Variants in SLC35F1 observed in about 807,000 individuals in gnomAD.
SLC35F1 encodes the protein chromosome 6 open reading frame 169.
Under a neutral mutation model 48.7 loss-of-function variants are expected in SLC35F1, and 14 were observed. That is an observed-to-expected ratio of 0.29 (90% CI 0.19 to 0.45). The LOEUF is 0.45. Among genes scored for constraint, SLC35F1 ranks in the 20% least tolerant of loss-of-function variants. SLC35F1 has a pLI of 1.00. For missense variants in SLC35F1, 404 were observed against 500.0 expected, an observed-to-expected ratio of 0.81 and a Z score of 1.83; for synonymous variants, 190 against 202.2, an observed-to-expected ratio of 0.94 and a Z score of 0.51.
chr6:118,042,087 A>T (rs1364943481), intron 1 of SLC35F1, among the ~76,000 whole-genome samples: 1 of 152,182 alleles, frequency 6.6e-6, no homozygotes, highest in African/African-American at 2.4e-5. Flanking sequence ...AATATCATCC[A>T]TAAAGTCTTT....
chr6:118,106,835 C>T (rs1210885004), intron 1 of SLC35F1, among the ~76,000 whole-genome samples: 1 of 152,144 alleles, frequency 6.6e-6, no homozygotes, highest in Non-Finnish European at 1.5e-5. Context: ...TTGGACACAC[C>T]ACGTTGTGTG....
At chr6:118,031,058 CCTCA>C (rs1239891199) in intron 1 of SLC35F1, among the ~76,000 whole-genome samples, 2 of 152,060 alleles carry the variant, frequency 1.3e-5, no homozygotes, top group Non-Finnish European at 2.9e-5. Flanking sequence ...GCACAGCCTC[CCTCA>C]CTATCAACAT....
At chr6:118,142,483 T>C (rs1202071222) in intron 1 of SLC35F1, among the ~76,000 whole-genome samples, 2 of 152,160 alleles carry the variant, frequency 1.3e-5, no homozygotes, top group Non-Finnish European at 2.9e-5. Flanking sequence ...GATTTCCCAC[T>C]TTATGACATC....
chr6:118,275,054 T>C (rs1775903896), intron 4 of SLC35F1, among the ~76,000 whole-genome samples: 1 of 152,158 alleles, frequency 6.6e-6, no homozygotes, highest in Admixed American at 6.5e-5. Flanking sequence ...CAGGTGCCTG[T>C]AATCTCAGCT....
At chr6:118,301,661 G>C (rs976138032) in intron 7 of SLC35F1, among the ~76,000 whole-genome samples, 1 of 152,090 alleles carries the variant, frequency 6.6e-6, no homozygotes, top group Non-Finnish European at 1.5e-5. Context: ...ATCTATATTG[G>C]TAGCTATAGA....
chr6:118,205,664 A>G (rs184367483), intron 2 of SLC35F1, among the ~76,000 whole-genome samples: 2 of 152,358 alleles, frequency 1.3e-5, no homozygotes, highest in East Asian at 3.9e-4. Context: ...GAGACTTGAA[A>G]GCAGGGACTC....
chr6:118,278,933 T>G (rs1346645689), intron 6 of SLC35F1, among the ~76,000 whole-genome samples: 1 of 152,208 alleles, frequency 6.6e-6, no homozygotes, highest in Non-Finnish European at 1.5e-5. Flanking sequence ...GTTAGTTAAA[T>G]GAGTCATCAA....
intron 1 of SLC35F1, among the ~76,000 whole-genome samples, chr6:118,087,409 A>C (rs1773007550): frequency 6.6e-6 from 1 of 152,176 alleles, no homozygotes; most frequent in African/African-American, 2.4e-5. Context: ...CGTTTTGAGG[A>C]GATCACAATT....
At chr6:118,259,069 G>T (rs2114612031) in intron 3 of SLC35F1, among the ~76,000 whole-genome samples, 1 of 151,338 alleles carries the variant, frequency 6.6e-6, no homozygotes, top group South Asian at 2.1e-4. Flanking sequence ...TACGATAAAG[G>T]TCTAATAGCC....
chr6:118,068,342 C>T lies in SLC35F1; in HGVS notation c.174-86103C>T, dbSNP rs185735285. Among the ~76,000 whole-genome samples the T allele has an allele frequency of 3.3e-4, 50 of 152,222 alleles. 1 individual carries two copies. The highest frequency in any genetic ancestry group is 5.7e-4 in the Non-Finnish European group (39 of 68,014). Reference sequence around the variant, plus strand: ...CAAAGAATAAAGTTAGAGCAGCAGCCGCAGTATGGTTTCTGTGAAAGTTAG... The same window carrying T: ...CAAAGAATAAAGTTAGAGCAGCAGCTGCAGTATGGTTTCTGTGAAAGTTAG... On this transcript the variant is annotated intron_variant, in intron 1 of 7. Transcript: ENST00000360388.
At chr6:118,151,437 AT>A (rs778963347) in intron 1 of SLC35F1, among the ~76,000 whole-genome samples, 2 of 152,170 alleles carry the variant, frequency 1.3e-5, no homozygotes, top group Non-Finnish European at 2.9e-5. Flanking sequence ...TAAAATATGT[AT>A]TGTTTCTCCA....
intron 1 of SLC35F1, among the ~76,000 whole-genome samples, chr6:118,152,707 C>G (rs1420253985): frequency 6.6e-6 from 1 of 151,700 alleles, no homozygotes; most frequent in Non-Finnish European, 1.5e-5. Context: ...TCCCCTCCCC[C>G]ACATTCTGTT....
At position 118,128,674 on chromosome 6, in the gene SLC35F1, G is replaced by A. The variant is rs551725775; in HGVS notation, c.174-25771G>A. Among the ~76,000 whole-genome samples, 4 of 151,892 alleles carry A rather than the reference G, an allele frequency of 2.6e-5. No individual in the cohort carries two copies. The South Asian group carries it at 8.3e-4, about 32-fold the overall frequency. ...CAGGGACTGTTGTGGGGTGGGAGGA[G>A]GGGGGAGGGATAGCATTAGGAGATA... is the stretch of plus-strand genomic sequence containing the variant. On this transcript the variant is annotated intron_variant, in intron 1 of 7. Coordinates refer to ENST00000360388, the MANE Select transcript of SLC35F1 (RefSeq NM_001029858.4).
intron 1 of SLC35F1, among the ~76,000 whole-genome samples, chr6:118,095,981 G>C (rs1269747487): frequency 6.6e-6 from 1 of 152,126 alleles, no homozygotes; most frequent in Non-Finnish European, 1.5e-5. Context: ...GATTTACTAA[G>C]TCTACTTTGA....
intron 3 of SLC35F1, among the ~76,000 whole-genome samples, chr6:118,240,837 G>T (rs138492324): frequency 1.3e-5 from 2 of 152,192 alleles, no homozygotes; most frequent in Admixed American, 6.5e-5. Context: ...GAGCAGGGTC[G>T]TGTCTGGGCA....
intron 1 of SLC35F1, 91 bp downstream of exon 1, chr6:117,907,990 C>T (rs1775715164): frequency 1.7e-6 from 2 of 1,191,678 alleles, no homozygotes; most frequent in South Asian, 6.0e-5. Flanking sequence ...GCCCACGGGT[C>T]CTTTGGGACG....
intron 7 of SLC35F1, among the ~76,000 whole-genome samples, chr6:118,290,932 C>T (rs1239276891): frequency 6.6e-6 from 1 of 151,856 alleles, no homozygotes; most frequent in East Asian, 1.9e-4. Context: ...GTAGCTGGGA[C>T]TACAGGCACT....
chr6:118,254,439 G>T (rs3900941), intron 3 of SLC35F1, among the ~76,000 whole-genome samples: 1 of 151,938 alleles, frequency 6.6e-6, no homozygotes, highest in Non-Finnish European at 1.5e-5. Context: ...GTGCCACCAC[G>T]CCTAGCTTAT....
At chr6:118,288,092 A>C (rs1397861538) in intron 7 of SLC35F1, among the ~76,000 whole-genome samples, 1 of 151,668 alleles carries the variant, frequency 6.6e-6, no homozygotes, top group Non-Finnish European at 1.5e-5. Flanking sequence ...GCAGGGATTG[A>C]TCCAACATAG....
Sources: gnomAD v4.1 joint callset for allele counts (sites outside exome capture counted in the v4.1 genomes callset) on GRCh38, gnomAD v4.1.1 for gene constraint, MANE v1.5 for transcripts, NCBI Gene and HGNC (gene_info 2026-07-23, HGNC 2026-07-21) for gene names.